Variants in TBC1D14 observed in about 807,000 individuals in gnomAD.
The protein encoded by TBC1D14 is TBC1 domain family member 14.
TBC1D14 carries 26 observed loss-of-function variants against 79.0 expected under a neutral mutation model. The ratio of observed to expected loss-of-function variants is 0.33; its 90% confidence interval spans 0.24 to 0.46. The LOEUF (loss-of-function observed/expected upper bound fraction) is 0.46. Among genes scored for constraint, TBC1D14 ranks in the 20% least tolerant of loss-of-function variants. The pLI is 1.00. For synonymous variants in TBC1D14, 394 were observed against 349.9 expected (o/e 1.13, Z -1.40); for missense variants, 769 against 887.6 (o/e 0.87, Z 1.70).
At chr4:7,028,487 C>T (rs533949322) in intron 13 of TBC1D14, among the ~76,000 whole-genome samples, 15 of 149,298 alleles carry the variant, frequency 1.0e-4, no homozygotes, top group South Asian at 6.4e-4. Flanking sequence ...AGTGCAGTGG[C>T]GCAATCTTGG....
rs1723165655 is a variant in TBC1D14 at position 7,032,637 on chromosome 4, AG to A, written c.*2246del. On this transcript the variant is annotated 3_prime_UTR_variant, in exon 14 of 14. Transcript: ENST00000409757. Reference sequence around the variant, plus strand: ...GTTTCCTGGGTCCTCTTCAGAGGCCAGAAAGTTCTAAGTTCTGAGTCCCCGG... The same window carrying A: ...GTTTCCTGGGTCCTCTTCAGAGGCCAAAAGTTCTAAGTTCTGAGTCCCCGG... The A allele has an allele frequency of 6.6e-6, 1 of 152,256 alleles. No homozygotes were observed. Among genetic ancestry groups the A allele is most frequent in the Non-Finnish European group, 1.5e-5 (1 of 68,052 alleles). 9.4% of individuals were successfully genotyped at this position (152,256 alleles called of 1,614,324 possible).
At chr4:7,016,014 A>T (rs1057130802) in intron 12 of TBC1D14, among the ~76,000 whole-genome samples, 5 of 152,210 alleles carry the variant, frequency 3.3e-5, no homozygotes, top group African/African-American at 1.2e-4. Flanking sequence ...TTCATCAGGG[A>T]AAAGGCCTTC....
chr4:7,002,873 C>T (rs1252977738), intron 7 of TBC1D14, among the ~76,000 whole-genome samples: 1 of 152,202 alleles, frequency 6.6e-6, no homozygotes, highest in Non-Finnish European at 1.5e-5. Context: ...TTAATATTGA[C>T]AGTGCGACCT....
intron 7 of TBC1D14, among the ~76,000 whole-genome samples, chr4:7,002,241 A>G (rs890322847): frequency 1.3e-5 from 2 of 152,144 alleles, no homozygotes; most frequent in African/African-American, 4.8e-5. Flanking sequence ...ATACCTACCA[A>G]AATTTTGTTT....
rs563886795 is a variant in TBC1D14, at chr4:6,925,340, C to A, written c.722+1229C>A. 3.3e-5 allele frequency among the ~76,000 whole-genome samples: 5 copies of A among 152,278 alleles called. No individual in the cohort carries two copies. The East Asian group carries it at 9.6e-4, about 29-fold the overall frequency. On this transcript the variant is annotated intron_variant, in intron 2 of 13. Coordinates refer to ENST00000409757, the MANE Select transcript of TBC1D14 (RefSeq NM_020773.3). ...TCTTTGGAGGGCTCTGGGGCCGGGG[C>A]TTGGCAGGTGGGAACATTTCTGCAG...
At position 6,999,076 on chromosome 4, in the gene TBC1D14, G is replaced by C; in HGVS notation, c.1046-9G>C. On this transcript the variant is annotated splice_polypyrimidine_tract_variant and intron_variant, in intron 5 of 13. Coordinates refer to ENST00000409757, the MANE Select transcript of TBC1D14 (RefSeq NM_020773.3). ...GTAGATTGTTGTTTTTCTAAATTGT[G>C]ATTTCTAGAGCTGAAAGAAGCCCAG... The C allele has an allele frequency of 6.2e-7, 1 of 1,613,422 alleles. No individual in the cohort carries two copies. The highest frequency in any genetic ancestry group is 1.1e-5 in the South Asian group (1 of 91,044).
rs2108765885 is a variant in TBC1D14 at position 7,030,459 on chromosome 4, G to T, written c.*67G>T. 6 of 1,539,522 alleles carry T rather than the reference G, an allele frequency of 3.9e-6. No homozygotes were observed. Among genetic ancestry groups the T allele is most frequent in the Non-Finnish European group, 3.6e-6 (4 of 1,114,998 alleles). ...ATGCCGCGGCCCCTCTGTTGTTTCA[G>T]ACTGACACCCGGGCAGCCGAGAAGA... is the stretch of plus-strand genomic sequence containing the variant. On this transcript the variant is annotated 3_prime_UTR_variant, in exon 14 of 14. Transcript: ENST00000409757.
intron 1 of TBC1D14, among the ~76,000 whole-genome samples, chr4:6,922,355 C>T (rs1723936143): frequency 6.6e-6 from 1 of 152,192 alleles, no homozygotes; most frequent in Non-Finnish European, 1.5e-5. Flanking sequence ...ACTGAGCTGG[C>T]CTTCTGACCT....
intron 2 of TBC1D14, among the ~76,000 whole-genome samples, chr4:6,945,140 GCT>G (rs776073306): frequency 2.0e-5 from 3 of 152,172 alleles, no homozygotes; most frequent in Admixed American, 6.5e-5. Flanking sequence ...ATTGTGTCAG[GCT>G]CTGAGCTTGG....
rs113048318 is a variant in TBC1D14, at chr4:7,005,697, TA to T, written c.1351+786del. Among the ~76,000 whole-genome samples, 1,276 of 141,618 alleles carry T rather than the reference TA, an allele frequency of 9.0e-3. 10 individuals are homozygous for T. Among genetic ancestry groups the T allele is most frequent in the Non-Finnish European group, 9.0e-3 (580 of 64,326 alleles). The allele number at this position is 141,618 out of a possible 152,430, so 92.9% of individuals were successfully genotyped here. On this transcript the variant is annotated intron_variant, in intron 8 of 13. Transcript: ENST00000409757. Reference sequence around the variant, plus strand: ...CTAGGTGACAGAGCAAGACTCCCTCTAAAAAAAAAAAAAGAAATAGAACATC... The same window carrying T: ...CTAGGTGACAGAGCAAGACTCCCTCTAAAAAAAAAAAAGAAATAGAACATC...
chr4:6,989,280 C>T (rs1347251844), intron 3 of TBC1D14, among the ~76,000 whole-genome samples: 1 of 152,242 alleles, frequency 6.6e-6, no homozygotes, highest in South Asian at 2.1e-4. Context: ...GCTCTCCTCT[C>T]TCTCCTGGGG....
At chr4:7,006,564 C>CA in intron 8 of TBC1D14, 68 bp from the exon 9 acceptor site, 1 of 1,446,116 alleles carries the variant, frequency 6.9e-7, no homozygotes, top group Non-Finnish European at 9.6e-7. Flanking sequence ...TGTAAAACTT[C>CA]AAAGGCTCGT....
intron 2 of TBC1D14, among the ~76,000 whole-genome samples, chr4:6,934,796 G>T (rs1351128374): frequency 2.6e-5 from 4 of 152,178 alleles, no homozygotes; most frequent in African/African-American, 7.2e-5. Context: ...GAGAGAATGG[G>T]GCCGGCATGG....
chr4:6,977,077 C>CTCCTCTCCCTCTCCCTCTCCCCACGG (rs1577109264), intron 3 of TBC1D14, among the ~76,000 whole-genome samples: 1 of 11,396 alleles, frequency 8.8e-5, no homozygotes, highest in Non-Finnish European at 3.8e-4. Flanking sequence ...CTCCCTCTCC[C>CTCCTCTCCCTCTCCCTCTCCCCACGG]TCTCCCTCTC....
intron 3 of TBC1D14, among the ~76,000 whole-genome samples, chr4:6,993,634 A>G (rs1024107513): frequency 6.6e-6 from 1 of 152,190 alleles, no homozygotes; most frequent in Non-Finnish European, 1.5e-5. Context: ...CTGCTTTGAT[A>G]ATGAGATCCT....
intron 3 of TBC1D14, 105 bp from the exon 4 acceptor site, chr4:6,994,079 G>T: frequency 9.9e-7 from 1 of 1,005,470 alleles, no homozygotes. Context: ...AATTGTCCTC[G>T]AAATTGGCTT....
chr4:6,982,773 G>A (rs1191211918), intron 3 of TBC1D14, among the ~76,000 whole-genome samples: 2 of 152,178 alleles, frequency 1.3e-5, no homozygotes, highest in Non-Finnish European at 2.9e-5. Flanking sequence ...AATCCTAAAT[G>A]AAATACTGCA....
At chr4:7,024,921 T>C (rs1722195348) in intron 12 of TBC1D14, 83 bp from the exon 13 acceptor site, 1 of 1,564,572 alleles carries the variant, frequency 6.4e-7, no homozygotes, top group Admixed American at 1.8e-5. Context: ...GGAGTGTTTT[T>C]CATGGAATCA....
At chr4:6,962,203 A>C (rs1411705139) in intron 2 of TBC1D14, among the ~76,000 whole-genome samples, 1 of 152,158 alleles carries the variant, frequency 6.6e-6, no homozygotes, top group Non-Finnish European at 1.5e-5. Context: ...GGCGCTGTGC[A>C]GGTATGGATG....
Sources: allele counts gnomAD v4.1 joint callset (sites outside exome capture counted in the v4.1 genomes callset), GRCh38; gene constraint gnomAD v4.1.1; transcripts MANE v1.5; gene names NCBI Gene and HGNC (gene_info 2026-07-23, HGNC 2026-07-21).